TRIM24: variants seen among roughly 807,000 people sequenced by gnomAD.
The protein encoded by TRIM24 is transcription intermediary factor 1-alpha.
In TRIM24, 29 loss-of-function variants were observed where a neutral mutation model predicts 123.9. The observed-to-expected ratio is 0.23, with a 90% CI of 0.17 to 0.32. TRIM24 has a LOEUF of 0.32. Ranked by LOEUF, TRIM24 falls within the 10% of genes least tolerant of loss-of-function variation. The pLI is 1.00. For missense variants in TRIM24, 932 were observed against 1,295.3 expected (o/e 0.72, Z 4.31); for synonymous variants, 456 against 461.1 (o/e 0.99, Z 0.14).
At chr7:138,464,860 A>G (rs1795100276) in intron 1 of TRIM24, among the ~76,000 whole-genome samples, 2 of 152,162 alleles carry the variant, frequency 1.3e-5, no homozygotes, top group Non-Finnish European at 2.9e-5. Flanking sequence ...GATTCTACCT[A>G]ATCTGGCGTA....
At chr7:138,560,142 T>G (rs552829621) in intron 9 of TRIM24, among the ~76,000 whole-genome samples, 1 of 152,224 alleles carries the variant, frequency 6.6e-6, no homozygotes, top group African/African-American at 2.4e-5. Flanking sequence ...CCATCTCAGA[T>G]GAGTTTTTTG....
chr7:138,537,261 G>A (rs1014228570), intron 6 of TRIM24, among the ~76,000 whole-genome samples: 9 of 151,820 alleles, frequency 5.9e-5, no homozygotes, highest in South Asian at 2.1e-4. Context: ...ACATGAACCC[G>A]GTACCTCAGT....
chr7:138,512,069 A>G (rs751673465), intron 2 of TRIM24, among the ~76,000 whole-genome samples: 1 of 152,196 alleles, frequency 6.6e-6, no homozygotes, highest in Non-Finnish European at 1.5e-5. Context: ...CCAGCAGTGC[A>G]GTCATTAAAT....
Position 138,581,786 on chromosome 7 carries a change from C to T in TRIM24, c.2793+15C>T. 6.3e-7 allele frequency: 1 copy of T among 1,594,764 alleles called. No individual in the cohort carries two copies. The highest frequency in any genetic ancestry group is 1.1e-5 in the South Asian group (1 of 89,880). ...TTCCTCTAACTGTAAGTATTAATGT[C>T]ATTTTCTGCATGTTTACACAGTGGA... is the stretch of plus-strand genomic sequence containing the variant. On this transcript the variant is annotated intron_variant, in intron 17 of 18. Coordinates refer to ENST00000343526, the MANE Select transcript of TRIM24 (RefSeq NM_015905.3).
chr7:138,527,921 A>G (rs563815825), intron 5 of TRIM24, among the ~76,000 whole-genome samples: 1 of 151,758 alleles, frequency 6.6e-6, no homozygotes, highest in Admixed American at 6.5e-5. Context: ...TAGAACAAAG[A>G]CTGGACTTGG....
intron 1 of TRIM24, among the ~76,000 whole-genome samples, chr7:138,478,621 T>C (rs1795457390): frequency 6.6e-6 from 1 of 152,112 alleles, no homozygotes; most frequent in Non-Finnish European, 1.5e-5. Context: ...GGACAACAGG[T>C]GCATGCTACC....
rs185607340 is a variant in TRIM24, at chr7:138,500,198, A to G, written c.365-4092A>G. ...TTAGGTTTAGAAACTAAAACTTCACAGAAAGGAGATAACAAATCATATTCA... is the reference window on the plus strand; with the variant it reads ...TTAGGTTTAGAAACTAAAACTTCACGGAAAGGAGATAACAAATCATATTCA... On this transcript the variant is annotated intron_variant, in intron 1 of 18. Coordinates refer to ENST00000343526, the MANE Select transcript of TRIM24 (RefSeq NM_015905.3). 4.8e-4 allele frequency among the ~76,000 whole-genome samples: 73 copies of G among 152,336 alleles called. 1 individual carries two copies. Among genetic ancestry groups the G allele is most frequent in the Non-Finnish European group, 8.2e-4 (56 of 68,030 alleles).
chr7:138,567,470 C>CT lies in TRIM24; in HGVS notation c.1531-5dup, dbSNP rs1348285521. ...GATTGTTACTAAATTGGTTTAATTT[C>CT]TTTTTTCTAGCAACCGCCTCCACGT... On this transcript the variant is annotated splice_polypyrimidine_tract_variant and intron_variant, in intron 9 of 18. Transcript: ENST00000343526. The CT allele has an allele frequency of 1.3e-6, 2 of 1,591,250 alleles. No individual in the cohort carries two copies. Among genetic ancestry groups the CT allele is most frequent in the South Asian group, 1.2e-5 (1 of 86,834 alleles).
chr7:138,575,173 A>G (rs1797730576), intron 12 of TRIM24, among the ~76,000 whole-genome samples: 1 of 152,228 alleles, frequency 6.6e-6, no homozygotes, highest in Admixed American at 6.5e-5. Context: ...AGATATATCA[A>G]TCAACCTTAG....
At chr7:138,544,918 C>T (rs1046628139) in intron 7 of TRIM24, among the ~76,000 whole-genome samples, 5 of 152,120 alleles carry the variant, frequency 3.3e-5, no homozygotes, top group South Asian at 4.1e-4. Flanking sequence ...AGCATCCCAA[C>T]GGAAATCTGA....
At chr7:138,485,545 G>A (rs1795625548) in intron 1 of TRIM24, among the ~76,000 whole-genome samples, 1 of 152,012 alleles carries the variant, frequency 6.6e-6, no homozygotes, top group Non-Finnish European at 1.5e-5. Flanking sequence ...GATGTTCTCT[G>A]CCCTGTGTCC....
At chr7:138,469,565 G>C (rs989998943) in intron 1 of TRIM24, among the ~76,000 whole-genome samples, 3 of 151,952 alleles carry the variant, frequency 2.0e-5, no homozygotes, top group African/African-American at 7.3e-5. Context: ...GCCTCCCAAA[G>C]TGCTGGGATT....
intron 9 of TRIM24, among the ~76,000 whole-genome samples, chr7:138,557,531 TA>T (rs1293658352): frequency 1.3e-5 from 2 of 152,168 alleles, no homozygotes; most frequent in African/African-American, 4.8e-5. Context: ...CTATTCCTAT[TA>T]AGGTTTTAAA....
At chr7:138,486,202 G>C (rs1795642809) in intron 1 of TRIM24, among the ~76,000 whole-genome samples, 1 of 151,866 alleles carries the variant, frequency 6.6e-6, no homozygotes, top group African/African-American at 2.4e-5. Context: ...TTTTTTTCTT[G>C]TAAATTTACA....
At chr7:138,526,373 C>T (rs1350885253) in intron 5 of TRIM24, among the ~76,000 whole-genome samples, 1 of 152,078 alleles carries the variant, frequency 6.6e-6, no homozygotes, top group Non-Finnish European at 1.5e-5. Flanking sequence ...TATTATTATG[C>T]ATTATGTTGT....
chr7:138,537,426 C>T (rs1003998524), intron 6 of TRIM24, among the ~76,000 whole-genome samples: 1 of 111,956 alleles, frequency 8.9e-6, no homozygotes, highest in African/African-American at 3.5e-5. Context: ...CGTGGTCTCA[C>T]TATGTTGCCC....
chr7:138,564,496 C>T (rs567622637), intron 9 of TRIM24, among the ~76,000 whole-genome samples: 1 of 152,320 alleles, frequency 6.6e-6, no homozygotes, highest in Non-Finnish European at 1.5e-5. Flanking sequence ...CTTCCCATGA[C>T]TTTTTCTTTG....
At position 138,585,590 on chromosome 7, in the gene TRIM24, GTTTGATT is replaced by G. The variant is rs1797999089; in HGVS notation, c.*644_*650del. On this transcript the variant is annotated 3_prime_UTR_variant, in exon 19 of 19. Coordinates refer to ENST00000343526, the MANE Select transcript of TRIM24 (RefSeq NM_015905.3). Reference sequence around the variant, plus strand: ...TTAAAGAAAAATCCGGAAAACAAATGTTTGATTTTTGTTTTTGTTTTTATCTTGTCTG... The same window carrying G: ...TTAAAGAAAAATCCGGAAAACAAATGTTTGTTTTTGTTTTTATCTTGTCTG... 3.3e-6 allele frequency: 1 copy of G among 303,010 alleles called. No homozygotes were observed. Among genetic ancestry groups the G allele is most frequent in the African/African-American group, 2.9e-5 (1 of 34,844 alleles). The allele number at this position is 303,010 out of a possible 1,614,324, so 18.8% of individuals were successfully genotyped here.
chr7:138,506,104 G>A (rs1796146104), intron 2 of TRIM24, among the ~76,000 whole-genome samples: 1 of 152,152 alleles, frequency 6.6e-6, no homozygotes, highest in Non-Finnish European at 1.5e-5. Context: ...TTGTTCCTTG[G>A]TAGAACTACA....
Sources: allele counts gnomAD v4.1 joint callset (sites outside exome capture counted in the v4.1 genomes callset), GRCh38; gene constraint gnomAD v4.1.1; transcripts MANE v1.5; gene names NCBI Gene and HGNC (gene_info 2026-07-23, HGNC 2026-07-21).